FAM110B: variants seen among roughly 807,000 people sequenced by gnomAD.
The protein encoded by FAM110B is protein FAM110B.
FAM110B carries 6 observed loss-of-function variants against 20.4 expected under a neutral mutation model. The ratio of observed to expected loss-of-function variants is 0.29; its 90% CI spans 0.16 to 0.58. The LOEUF is 0.58. Among genes scored for constraint, FAM110B ranks in the 20% least tolerant of loss-of-function variants. The pLI is 0.90. For synonymous variants in FAM110B, 226 were observed against 214.1 expected (o/e 1.06, Z -0.49); for missense variants, 434 against 498.2 (o/e 0.87, Z 1.23).
At chr8:58,014,774 G>A (rs186679300) in intron 1 of FAM110B, among the ~76,000 whole-genome samples, 2 of 152,000 alleles carry the variant, frequency 1.3e-5, no homozygotes, top group East Asian at 1.9e-4. Flanking sequence ...TGGGGTTATC[G>A]TTTATTAAAC....
At chr8:58,006,901 G>GTATATATATATATATACA (rs1804415619) in intron 1 of FAM110B, among the ~76,000 whole-genome samples, 1 of 97,496 alleles carries the variant, frequency 1.0e-5, no homozygotes. Flanking sequence ...GGCTTAATTG[G>GTATATATATATATATACA]TATATATATA....
chr8:58,010,656 C>T (rs569811133), intron 1 of FAM110B, among the ~76,000 whole-genome samples: 229 of 152,246 alleles, frequency 1.5e-3, no homozygotes, highest in Non-Finnish European at 3.0e-3. Context: ...AAACCATAGT[C>T]CCTGTGGTAG....
chr8:58,142,201 T>A (rs185378597), intron 3 of FAM110B, among the ~76,000 whole-genome samples: 106 of 152,348 alleles, frequency 7.0e-4, no homozygotes, highest in Non-Finnish European at 5.6e-4. Context: ...TTGGCCTGTT[T>A]CCTCTGTGCT....
intron 2 of FAM110B, among the ~76,000 whole-genome samples, chr8:58,065,272 A>G (rs1805737888): frequency 6.6e-6 from 1 of 152,206 alleles, no homozygotes; most frequent in Non-Finnish European, 1.5e-5. Flanking sequence ...ACCTCCATAT[A>G]ACTGAAATGG....
chr8:58,005,861 T>G (rs1175184197), intron 1 of FAM110B, among the ~76,000 whole-genome samples: 1 of 152,224 alleles, frequency 6.6e-6, no homozygotes, highest in Non-Finnish European at 1.5e-5. Flanking sequence ...GGTAAAGAAG[T>G]GTTCTGAAAC....
At chr8:58,060,559 G>A (rs908152684) in intron 2 of FAM110B, among the ~76,000 whole-genome samples, 1 of 152,060 alleles carries the variant, frequency 6.6e-6, no homozygotes, top group African/African-American at 2.4e-5. Context: ...TATTTTTCTT[G>A]GTTGCCAATG....
intron 3 of FAM110B, among the ~76,000 whole-genome samples, chr8:58,100,464 CT>C (rs1806750328): frequency 6.6e-6 from 1 of 152,206 alleles, no homozygotes; most frequent in Non-Finnish European, 1.5e-5. Context: ...AATGTTTTGT[CT>C]CACAGCGCTG....
intron 1 of FAM110B, among the ~76,000 whole-genome samples, chr8:57,995,741 CAG>C (rs1303735105): frequency 1.3e-5 from 2 of 152,182 alleles, no homozygotes; most frequent in African/African-American, 2.4e-5. Flanking sequence ...AGTTGTTATT[CAG>C]ATTTATTGAC....
At position 58,146,777 on chromosome 8, in the gene FAM110B, A is replaced by G; in HGVS notation, c.547A>G (p.Arg183Gly). The change falls in exon 4 of 4, where the codon AGG becomes GGG. Residue 183 changes from arginine to glycine, a missense_variant. Arg to Gly is a moderately radical substitution (Grantham distance 125). Around this residue, in one of 3 missense-constraint regions of FAM110B, gnomAD observed 284 missense variants for 278.3 expected, o/e 1.02. Transcript: ENST00000519262. Reference protein sequence around the residue: ...SPQEGGSHVGRRLLEQSAESF... With the variant: ...SPQEGGSHVGGRLLEQSAESF... ...GCAGGAGGGCGGCTCCCACGTGGGC[A>G]GGAGACTGCTGGAGCAGTCAGCCGA... 1.2e-6 allele frequency: 2 copies of G among 1,611,472 alleles called. No individual in the cohort carries two copies. Among genetic ancestry groups the G allele is most frequent in the Non-Finnish European group, 1.7e-6 (2 of 1,178,682 alleles).
At chr8:58,101,164 G>A (rs1441771289) in intron 3 of FAM110B, among the ~76,000 whole-genome samples, 2 of 150,446 alleles carry the variant, frequency 1.3e-5, no homozygotes, top group Non-Finnish European at 3.0e-5. Flanking sequence ...GTGACAGAGT[G>A]AGACTCCGTC....
chr8:58,080,182 A>T (rs889062523), intron 3 of FAM110B, among the ~76,000 whole-genome samples: 1 of 152,232 alleles, frequency 6.6e-6, no homozygotes, highest in Non-Finnish European at 1.5e-5. Context: ...TCAAACCTCT[A>T]TCCAGCCCTT....
chr8:58,033,278 C>A (rs891959805), intron 2 of FAM110B, among the ~76,000 whole-genome samples: 9 of 152,122 alleles, frequency 5.9e-5, no homozygotes, highest in Admixed American at 4.6e-4. Flanking sequence ...GTATGTACCA[C>A]ATTTTTTTAA....
At chr8:58,132,779 T>C (rs1803508368) in intron 3 of FAM110B, among the ~76,000 whole-genome samples, 1 of 152,186 alleles carries the variant, frequency 6.6e-6, no homozygotes. Flanking sequence ...GCACCAAATA[T>C]CAGCAACTAC....
At chr8:58,092,517 T>C (rs761503708) in intron 3 of FAM110B, among the ~76,000 whole-genome samples, 2 of 152,204 alleles carry the variant, frequency 1.3e-5, no homozygotes, top group Non-Finnish European at 2.9e-5. Context: ...GTTTTTGTGT[T>C]AGTTCACTGA....
intron 1 of FAM110B, among the ~76,000 whole-genome samples, chr8:57,995,183 G>A (rs1463144639): frequency 6.6e-6 from 1 of 152,206 alleles, no homozygotes; most frequent in African/African-American, 2.4e-5. Flanking sequence ...GCTGCGGAGC[G>A]GAGGTGGGCT....
chr8:58,107,512 G>T (rs1260113197), intron 3 of FAM110B, among the ~76,000 whole-genome samples: 9 of 152,170 alleles, frequency 5.9e-5, no homozygotes, highest in South Asian at 2.1e-4. Flanking sequence ...GGGATTTATT[G>T]TGTGTTTTGT....
intron 2 of FAM110B, among the ~76,000 whole-genome samples, chr8:58,056,284 C>T (rs1805547152): frequency 6.6e-6 from 1 of 152,128 alleles, no homozygotes; most frequent in Admixed American, 6.5e-5. Context: ...ATAATTGATA[C>T]TTTTAGCTTT....
chr8:57,996,893 T>C (rs1804194930), intron 1 of FAM110B, among the ~76,000 whole-genome samples: 2 of 152,230 alleles, frequency 1.3e-5, no homozygotes. Context: ...ATTTATAGCC[T>C]AACTAGCTAA....
At chr8:58,121,142 C>T (rs974269704) in intron 3 of FAM110B, among the ~76,000 whole-genome samples, 6 of 152,196 alleles carry the variant, frequency 3.9e-5, no homozygotes, top group South Asian at 2.1e-4. Context: ...TAGGATGAGG[C>T]GCGATGAGCC....
Sources: allele counts gnomAD v4.1 joint callset (sites outside exome capture counted in the v4.1 genomes callset), GRCh38; gene constraint gnomAD v4.1.1; regional missense constraint gnomAD v4.1.1; transcripts MANE v1.5; gene names NCBI Gene and HGNC (gene_info 2026-07-23, HGNC 2026-07-21).